Variants in MARK1 observed in about 807,000 individuals in gnomAD.
The protein encoded by MARK1 is serine/threonine-protein kinase MARK1.
MARK1 carries 40 observed loss-of-function variants against 96.3 expected under a neutral mutation model. The observed-to-expected ratio is 0.42, with a 90% CI of 0.32 to 0.54. The LOEUF (loss-of-function observed/expected upper bound fraction) is 0.54. Ranked by LOEUF, MARK1 falls within the 20% of genes least tolerant of loss-of-function variation. MARK1 has a pLI of 0.16. For synonymous variants in MARK1, 317 were observed against 341.2 expected (o/e 0.93, Z 0.78); for missense variants, 719 against 984.6 (o/e 0.73, Z 3.61).
chr1:220,540,951 T>G (rs1439271546), intron 1 of MARK1, among the ~76,000 whole-genome samples: 1 of 152,104 alleles, frequency 6.6e-6, no homozygotes, highest in Non-Finnish European at 1.5e-5. Flanking sequence ...TTTTTTTGTT[T>G]GAGATAGAGT....
intron 13 of MARK1, among the ~76,000 whole-genome samples, chr1:220,647,035 A>G (rs368812989): frequency 4.6e-5 from 7 of 152,350 alleles, no homozygotes; most frequent in African/African-American, 1.7e-4. Context: ...AATTGCAACA[A>G]AAGCAAAAAT....
chr1:220,644,454 C>A (rs995971008), intron 13 of MARK1, among the ~76,000 whole-genome samples: 2 of 141,762 alleles, frequency 1.4e-5, no homozygotes, highest in South Asian at 2.5e-4. Flanking sequence ...CTTAGACCCC[C>A]CCCCCCCCAC....
chr1:220,568,130 CTT>C (rs1264397239), intron 1 of MARK1, among the ~76,000 whole-genome samples: 1 of 152,028 alleles, frequency 6.6e-6, no homozygotes, highest in African/African-American at 2.4e-5. Context: ...TTTGGTACTT[CTT>C]GATATTTGTA....
chr1:220,564,129 C>G (rs1032902327), intron 1 of MARK1, among the ~76,000 whole-genome samples: 4 of 152,080 alleles, frequency 2.6e-5, no homozygotes, highest in Admixed American at 6.6e-5. Context: ...TTTAAATAGC[C>G]TGTGGATTTA....
At chr1:220,548,709 T>C (rs2786598) in intron 1 of MARK1, among the ~76,000 whole-genome samples, 38,893 of 151,988 alleles carry the variant, frequency 0.26, 5,734 homozygotes, top group East Asian at 0.46. Flanking sequence ...TGAGCCGAGA[T>C]TGTGCCACTG....
chr1:220,568,211 C>T (rs753394069), intron 1 of MARK1, among the ~76,000 whole-genome samples: 2 of 152,020 alleles, frequency 1.3e-5, no homozygotes. Flanking sequence ...GGTGAGAAAA[C>T]ACTAATAAAC....
At chr1:220,600,874 C>T (rs376824682) in intron 5 of MARK1, among the ~76,000 whole-genome samples, 10 of 148,750 alleles carry the variant, frequency 6.7e-5, no homozygotes, top group African/African-American at 2.0e-4. Flanking sequence ...TATACTGTCT[C>T]GTATTTCTTT....
chr1:220,578,450 G>C (rs1194173161), intron 1 of MARK1, among the ~76,000 whole-genome samples: 1 of 152,154 alleles, frequency 6.6e-6, no homozygotes, highest in Non-Finnish European at 1.5e-5. Flanking sequence ...CTCCAGAACA[G>C]CACTGATGCA....
chr1:220,550,781 A>G (rs557485051), intron 1 of MARK1, among the ~76,000 whole-genome samples: 129 of 152,382 alleles, frequency 8.5e-4, no homozygotes, highest in African/African-American at 3.0e-3. Context: ...GACTTAAATT[A>G]GAAATACAAT....
At chr1:220,599,967 ATTG>A in intron 5 of MARK1, 104 bp downstream of exon 5, 1 of 644,432 alleles carries the variant, frequency 1.6e-6, no homozygotes, top group Non-Finnish European at 2.5e-6. Flanking sequence ...TAATGAATCT[ATTG>A]TTTTATCTAA....
intron 1 of MARK1, among the ~76,000 whole-genome samples, chr1:220,567,615 T>C (rs1663147703): frequency 6.6e-6 from 1 of 152,180 alleles, no homozygotes; most frequent in Admixed American, 6.5e-5. Context: ...ATCAGAAATA[T>C]TGAAAGGCAT....
intron 1 of MARK1, among the ~76,000 whole-genome samples, chr1:220,578,744 C>T (rs1019179549): frequency 4.6e-5 from 7 of 152,280 alleles, no homozygotes; most frequent in Admixed American, 3.9e-4. Context: ...CAACCTAAAG[C>T]GATAACACCT....
intron 13 of MARK1, among the ~76,000 whole-genome samples, chr1:220,642,190 A>T (rs1428995422): frequency 6.6e-6 from 1 of 152,194 alleles, no homozygotes; most frequent in African/African-American, 2.4e-5. Context: ...ACTGACTTGG[A>T]ATCCCCACTG....
At position 220,570,841 on chromosome 1, in the gene MARK1, C is replaced by T. The variant is rs76272161; in HGVS notation, c.52-8513C>T. 3.3e-3 allele frequency among the ~76,000 whole-genome samples: 501 copies of T among 152,224 alleles called. 1 individual carries two copies. The highest frequency in any genetic ancestry group is 5.8e-3 in the South Asian group (28 of 4,824). On this transcript the variant is annotated intron_variant, in intron 1 of 17. Transcript: ENST00000366917. Reference sequence around the variant, plus strand: ...GAACATTTGGAGAAGTATGCACTTGCTCAATAAGGGCAGGCAGGAACATAT... The same window carrying T: ...GAACATTTGGAGAAGTATGCACTTGTTCAATAAGGGCAGGCAGGAACATAT...
At chr1:220,578,929 G>A (rs549916267) in intron 1 of MARK1, among the ~76,000 whole-genome samples, 82 of 152,112 alleles carry the variant, frequency 5.4e-4, no homozygotes, top group Middle Eastern at 6.8e-3. Context: ...TGCAACTTCC[G>A]CCTCCCAGGT....
chr1:220,626,149 C>G, intron 9 of MARK1: 1 of 608,934 alleles, frequency 1.6e-6, no homozygotes, highest in Non-Finnish European at 3.1e-6. Context: ...GGCTGGGGGC[C>G]TGAACCATGC....
chr1:220,613,851 C>T (rs1558298612), intron 6 of MARK1, among the ~76,000 whole-genome samples: 1 of 152,106 alleles, frequency 6.6e-6, no homozygotes, highest in African/African-American at 2.4e-5. Flanking sequence ...TTCTGCAGTA[C>T]CTGCCTAGTT....
At chr1:220,614,772 G>T (rs1435531304) in intron 6 of MARK1, among the ~76,000 whole-genome samples, 1 of 152,016 alleles carries the variant, frequency 6.6e-6, no homozygotes, top group African/African-American at 2.4e-5. Context: ...AAATGGAATT[G>T]TGTATTACTC....
intron 6 of MARK1, among the ~76,000 whole-genome samples, chr1:220,607,390 C>G (rs1388730034): frequency 6.6e-6 from 1 of 152,122 alleles, no homozygotes; most frequent in Non-Finnish European, 1.5e-5. Context: ...TGATACTTTG[C>G]TGAAGTTGCT....
Sources: gnomAD v4.1 joint callset for allele counts (sites outside exome capture counted in the v4.1 genomes callset) on GRCh38, gnomAD v4.1.1 for gene constraint, MANE v1.5 for transcripts, NCBI Gene and HGNC (gene_info 2026-07-23, HGNC 2026-07-21) for gene names.